The following NT5M variants were observed in gnomAD, a reference collection of about 807,000 sequenced individuals.
NT5M encodes 5',3'-nucleotidase, mitochondrial, also known as 5'(3')-deoxyribonucleotidase, mitochondrial.
A neutral mutation model predicts 22.2 loss-of-function variants in NT5M; 22 were observed. That is an observed-to-expected ratio of 0.99 (90% CI 0.71 to 1.41). NT5M has a LOEUF of 1.41. NT5M is among the 40% of genes most tolerant of loss of function. NT5M has a pLI of 0.00. For missense variants in NT5M, 322 were observed against 314.8 expected, an observed-to-expected ratio of 1.02 and a Z score of -0.17; for synonymous variants, 167 against 133.0, an observed-to-expected ratio of 1.26 and a Z score of -1.76.
At chr17:17,316,121 C>T (rs2049023288) in intron 2 of NT5M, among the ~76,000 whole-genome samples, 1 of 148,070 alleles carries the variant, frequency 6.8e-6, no homozygotes, top group Non-Finnish European at 1.5e-5. Flanking sequence ...GTGGTGCCAT[C>T]TTGGCTCCCT....
rs142103824 is a variant in NT5M, at chr17:17,312,736, A to G, written c.368+6093A>G. Among the ~76,000 whole-genome samples, 780 of 152,052 alleles carry G rather than the reference A, an allele frequency of 5.1e-3. 23 individuals carry two copies. Among genetic ancestry groups the G allele is most frequent in the Admixed American group, 0.049 (745 of 15,232 alleles). On this transcript the variant is annotated intron_variant, in intron 2 of 4. Transcript: ENST00000389022. ...CACTTTGGGAGACTGAGGCAGGAGA[A>G]TCACCTGAGCTCAGGAGTTTGAGAC...
Position 17,303,753 on chromosome 17 carries a change from C to G in NT5M, c.203C>G (p.Ala68Gly). ...RARFPDQPFIALEDRRGFWVS... is the reference protein window; with the variant it reads ...RARFPDQPFIGLEDRRGFWVS... ...CGCTTTCCCGACCAGCCCTTCATCG[C>G]GCTGGAGGACCGGCGCGGCTTCTGG... The change falls in exon 1 of 5, where the codon GCG (alanine) becomes GGG (glycine). Residue 68 changes from alanine (A) to glycine (G), a missense_variant. Coordinates refer to ENST00000389022, the MANE Select transcript of NT5M (RefSeq NM_020201.4). The G allele has an allele frequency of 6.3e-7, 1 of 1,588,352 alleles. No individual in the cohort carries two copies. The highest frequency in any genetic ancestry group is 8.6e-7 in the Non-Finnish European group (1 of 1,169,252).
At position 17,323,018 on chromosome 17, in the gene NT5M, G is replaced by A. The variant is rs560230337; in HGVS notation, c.369-167G>A. Reference sequence around the variant, plus strand: ...TGTGGCTGCCCAGGGCCATGGGATAGGCCGACACCTCTGGTGTGGATATAG... The same window carrying A: ...TGTGGCTGCCCAGGGCCATGGGATAAGCCGACACCTCTGGTGTGGATATAG... On this transcript the variant is annotated intron_variant, in intron 2 of 4. Transcript: ENST00000389022. Among the ~76,000 whole-genome samples, 3 of 152,310 alleles carry A rather than the reference G, an allele frequency of 2.0e-5. No homozygotes were observed. In the South Asian group the frequency reaches 6.2e-4, roughly 32 times the overall value.
rs892808973 is a variant in NT5M, at chr17:17,313,044, C to T, written c.368+6401C>T. On this transcript the variant is annotated intron_variant, in intron 2 of 4. Coordinates refer to ENST00000389022, the MANE Select transcript of NT5M (RefSeq NM_020201.4). ...CAGCACTTTGGGAGGCTGAGGCGGG[C>T]GGATCACCTGAGGTCAGGAGTTCGA... Among the ~76,000 whole-genome samples the T allele has an allele frequency of 1.3e-4, 19 of 151,924 alleles. No individual in the cohort carries two copies. In the East Asian group the frequency reaches 1.8e-3, roughly 14 times the overall value.
intron 2 of NT5M, among the ~76,000 whole-genome samples, chr17:17,315,324 G>A (rs1366999640): frequency 2.6e-5 from 4 of 152,132 alleles, no homozygotes. Flanking sequence ...GGATATATAT[G>A]TAAATAACAC....
intron 3 of NT5M, among the ~76,000 whole-genome samples, chr17:17,327,522 G>A (rs1216419379): frequency 9.8e-6 from 1 of 101,658 alleles, no homozygotes; most frequent in African/African-American, 3.4e-5. Context: ...TTATATTTTT[G>A]TTCTGTTTTG....
chr17:17,328,111 C>G (rs181982895), intron 3 of NT5M, among the ~76,000 whole-genome samples: 1 of 152,246 alleles, frequency 6.6e-6, no homozygotes, highest in East Asian at 1.9e-4. Context: ...TTCCACTGTA[C>G]CAGCCGTGGG....
chr17:17,305,393 C>T (rs1459300780), intron 1 of NT5M, among the ~76,000 whole-genome samples: 24 of 51,702 alleles, frequency 4.6e-4, no homozygotes, highest in African/African-American at 1.8e-3. Flanking sequence ...TTAAAACAAC[C>T]GCCCCCCCCC....
Position 17,303,513 on chromosome 17 carries a change from C to T in NT5M, c.-38C>T. ...CCGGCTCCGGCAGCACGGCGCGGCCCAGGTCCCCGCGCCCACGACGGGCCA... is the reference window on the plus strand; with the variant it reads ...CCGGCTCCGGCAGCACGGCGCGGCCTAGGTCCCCGCGCCCACGACGGGCCA... On this transcript the variant is annotated 5_prime_UTR_variant, in exon 1 of 5. The change creates a premature stop within an existing upstream ORF in the 5' untranslated region. Coordinates refer to ENST00000389022, the MANE Select transcript of NT5M (RefSeq NM_020201.4). 6 of 1,027,844 alleles carry T rather than the reference C, an allele frequency of 5.8e-6. No individual in the cohort carries two copies. Among genetic ancestry groups the T allele is most frequent in the Non-Finnish European group, 7.0e-6 (6 of 858,900 alleles). 63.7% of individuals were successfully genotyped at this position (1,027,844 alleles called of 1,614,324 possible). A position where few individuals can be genotyped will look rare whatever the true frequency, so the allele number is the denominator to read the frequency against.
At position 17,338,492 on chromosome 17, in the gene NT5M, C is replaced by A. The variant is rs572218065; in HGVS notation, c.430-6302C>A. On this transcript the variant is annotated intron_variant, in intron 3 of 4. Transcript: ENST00000389022. Reference sequence around the variant, plus strand: ...TCAGGCATGAGCCACTGCGCCTGGCCTGGTTCTGTATTCTTATCCACTGAT... The same window carrying A: ...TCAGGCATGAGCCACTGCGCCTGGCATGGTTCTGTATTCTTATCCACTGAT... Among the ~76,000 whole-genome samples, 5 of 152,166 alleles carry A rather than the reference C, an allele frequency of 3.3e-5. No individual in the cohort carries two copies. In the South Asian group the frequency reaches 1.0e-3, roughly 32 times the overall value.
intron 3 of NT5M, among the ~76,000 whole-genome samples, chr17:17,326,454 C>T (rs2049268515): frequency 6.6e-6 from 1 of 152,212 alleles, no homozygotes; most frequent in Admixed American, 6.5e-5. Context: ...CATCAACAGG[C>T]TCTGGCTCAC....
rs564776158 is a variant in NT5M, at chr17:17,323,736, C to T, written c.429+491C>T. Among the ~76,000 whole-genome samples the T allele has an allele frequency of 4.6e-5, 7 of 152,286 alleles. No homozygotes were observed. The South Asian group carries it at 1.4e-3, about 32-fold the overall frequency. On this transcript the variant is annotated intron_variant, in intron 3 of 4. Coordinates refer to ENST00000389022, the MANE Select transcript of NT5M (RefSeq NM_020201.4). Reference sequence around the variant, plus strand: ...CTCATGCCGGAGGGGTCAGGGCCGGCCCTCCCTGGGGACGTTGGAGCAGCT... The same window carrying T: ...CTCATGCCGGAGGGGTCAGGGCCGGTCCTCCCTGGGGACGTTGGAGCAGCT...
intron 2 of NT5M, among the ~76,000 whole-genome samples, chr17:17,314,361 T>C (rs758611796): frequency 2.4e-4 from 36 of 152,046 alleles, no homozygotes; most frequent in Middle Eastern, 3.2e-3. Flanking sequence ...AAGACTCCAA[T>C]AGCATGAGCG....
intron 3 of NT5M, among the ~76,000 whole-genome samples, chr17:17,324,179 T>G (rs1369191473): frequency 1.3e-5 from 2 of 149,660 alleles, no homozygotes; most frequent in Non-Finnish European, 3.0e-5. Context: ...CTGGCCTGGA[T>G]TCCATATTTA....
intron 3 of NT5M, among the ~76,000 whole-genome samples, chr17:17,326,961 G>A (rs148604317): frequency 4.2e-4 from 64 of 152,266 alleles, no homozygotes; most frequent in African/African-American, 1.5e-3. Context: ...ACCCAGGCTG[G>A]AGTGCAGTGG....
rs1012497145 is a variant in NT5M at position 17,303,662 on chromosome 17, G to T, written c.112G>T (p.Val38Leu). 1.3e-6 allele frequency: 2 copies of T among 1,558,598 alleles called. No individual in the cohort carries two copies. Among genetic ancestry groups the T allele is most frequent in the African/African-American group, 1.4e-5 (1 of 70,578 alleles). ...CCTGGCGGGAGGCCGCGCCCTACGG[G>T]TGCTGGTGGACATGGACGGCGTGCT... ...LGLAGGRALR[V>L]LVDMDGVLAD... The change falls in exon 1 of 5, where the codon GTG becomes TTG. Residue 38 changes from valine (V) to leucine (L), a missense_variant. Transcript: ENST00000389022.
intron 2 of NT5M, among the ~76,000 whole-genome samples, chr17:17,314,252 G>GT (rs2048978233): frequency 6.6e-6 from 1 of 151,992 alleles, no homozygotes; most frequent in South Asian, 2.1e-4. Flanking sequence ...TCAGGCTGGT[G>GT]TTTAACTCCT....
In NT5M at chr17:17,346,908, C is replaced by T. The variant is rs762190563; in HGVS notation, c.648C>T (p.Asp216=). 32 of 1,611,180 alleles carry T rather than the reference C, an allele frequency of 2.0e-5. No individual in the cohort carries two copies. Among genetic ancestry groups the T allele is most frequent in the South Asian group, 4.4e-5 (4 of 91,078 alleles). The change falls in exon 5 of 5, where the codon GAC becomes GAT. Residue 216 remains aspartate (D), a synonymous_variant. Coordinates refer to ENST00000389022, the MANE Select transcript of NT5M (RefSeq NM_020201.4). The part of the protein sequence containing the change: ...PPRRRLHSWA[D]DWKAILDSKR... Reference sequence around the variant, plus strand: ...GCCGCAGGCTGCACTCGTGGGCGGACGACTGGAAGGCCATTCTGGACAGCA... The same window carrying T: ...GCCGCAGGCTGCACTCGTGGGCGGATGACTGGAAGGCCATTCTGGACAGCA...
At chr17:17,305,152 C>G (rs1209238645) in intron 1 of NT5M, among the ~76,000 whole-genome samples, 1 of 152,112 alleles carries the variant, frequency 6.6e-6, no homozygotes, top group Non-Finnish European at 1.5e-5. Flanking sequence ...AACGTGGAAA[C>G]CAAGCCCACC....
Sources: gnomAD v4.1 joint callset for allele counts (sites outside exome capture counted in the v4.1 genomes callset) on GRCh38, gnomAD v4.1.1 for gene constraint, MANE v1.5 for transcripts, NCBI Gene and HGNC (gene_info 2026-07-23, HGNC 2026-07-21) for gene names.